The following TRHDE variants were observed in gnomAD, a reference collection of about 807,000 sequenced individuals.
The protein encoded by TRHDE is thyrotropin releasing hormone degrading enzyme.
A neutral mutation model predicts 125.7 loss-of-function variants in TRHDE; 72 were observed. The observed-to-expected ratio is 0.57, with a 90% CI of 0.47 to 0.70. The LOEUF (loss-of-function observed/expected upper bound fraction) is 0.70. Among genes scored for constraint, TRHDE ranks in the 30% least tolerant of loss-of-function variants. The pLI, the probability that TRHDE is intolerant of heterozygous loss-of-function variation, is 0.00. For missense variants in TRHDE, 1,110 were observed against 1,327.1 expected (o/e 0.84, Z 2.54); for synonymous variants, 509 against 509.1 (o/e 1.00, Z 0.00).
chr12:72,484,673 C>T (rs1275034475), intron 5 of TRHDE, among the ~76,000 whole-genome samples: 1 of 152,080 alleles, frequency 6.6e-6, no homozygotes, highest in Non-Finnish European at 1.5e-5. Context: ...ATTAGGAATG[C>T]ATTCATTGAA....
At chr12:72,625,220 T>A (rs1241553999) in intron 15 of TRHDE, among the ~76,000 whole-genome samples, 1 of 151,822 alleles carries the variant, frequency 6.6e-6, no homozygotes, top group Non-Finnish European at 1.5e-5. Context: ...TAAATATGTA[T>A]CATAATAATG....
intron 2 of TRHDE, among the ~76,000 whole-genome samples, chr12:72,241,984 C>T (rs10748191): frequency 0.77 from 117,438 of 152,090 alleles, 46,208 homozygotes; most frequent in Non-Finnish European, 0.85. Flanking sequence ...AGTCTCTTGC[C>T]CATTTTTAGA....
At chr12:72,115,333 A>G (rs11832149) in intron 2 of TRHDE, among the ~76,000 whole-genome samples, 23 of 148,342 alleles carry the variant, frequency 1.6e-4, no homozygotes, top group African/African-American at 5.2e-4. Flanking sequence ...TTCACTTAAC[A>G]TAATGACCTC....
chr12:72,387,641 A>G (rs1045436450), intron 3 of TRHDE, among the ~76,000 whole-genome samples: 1 of 152,142 alleles, frequency 6.6e-6, no homozygotes, highest in African/African-American at 2.4e-5. Flanking sequence ...TCCCACCCAA[A>G]TCTCATCTTG....
chr12:72,509,682 G>T (rs1393912234), intron 6 of TRHDE, among the ~76,000 whole-genome samples: 1 of 151,974 alleles, frequency 6.6e-6, no homozygotes, highest in Non-Finnish European at 1.5e-5. Context: ...ATCCTATTAT[G>T]TTTACTATAT....
intron 6 of TRHDE, among the ~76,000 whole-genome samples, chr12:72,517,817 T>C (rs1456501695): frequency 3.3e-5 from 5 of 151,786 alleles, no homozygotes; most frequent in Admixed American, 3.3e-4. Context: ...CTGCTTTGAA[T>C]GCGTCCCAGA....
At chr12:72,550,249 T>A (rs1869613412) in intron 7 of TRHDE, among the ~76,000 whole-genome samples, 1 of 151,910 alleles carries the variant, frequency 6.6e-6, no homozygotes, top group Non-Finnish European at 1.5e-5. Context: ...AGATGCCGAT[T>A]ACAGATGCCA....
chr12:72,593,242 C>A (rs568050371), intron 12 of TRHDE, among the ~76,000 whole-genome samples: 1 of 152,226 alleles, frequency 6.6e-6, no homozygotes, highest in East Asian at 1.9e-4. Context: ...TTGCACTTAG[C>A]CCCAGTCTAA....
chr12:72,297,110 G>T (rs1361888164), intron 2 of TRHDE, among the ~76,000 whole-genome samples: 2 of 152,140 alleles, frequency 1.3e-5, no homozygotes, highest in African/African-American at 4.8e-5. Flanking sequence ...GCAAATGTAG[G>T]GAGATTGAAC....
At chr12:72,499,787 T>C (rs1367189214) in intron 6 of TRHDE, 152 bp downstream of exon 6, 3 of 857,722 alleles carry the variant, frequency 3.5e-6, no homozygotes, top group Non-Finnish European at 3.4e-6. Context: ...TGTCATTTTA[T>C]GAGCTACAGC....
At chr12:72,596,414 C>T (rs10506659) in intron 12 of TRHDE, among the ~76,000 whole-genome samples, 20,086 of 152,082 alleles carry the variant, frequency 0.13, 1,420 homozygotes, top group Middle Eastern at 0.23. Context: ...CACTGTTTTG[C>T]ACTAGATATA....
intron 2 of TRHDE, among the ~76,000 whole-genome samples, chr12:72,204,694 A>T (rs1877629179): frequency 6.6e-6 from 1 of 152,196 alleles, no homozygotes; most frequent in African/African-American, 2.4e-5. Flanking sequence ...AAGGAATAAG[A>T]TTGGGTCTTT....
intron 15 of TRHDE, among the ~76,000 whole-genome samples, chr12:72,634,927 G>T (rs1374981746): frequency 6.6e-6 from 1 of 152,116 alleles, no homozygotes. Context: ...TTGGTTCCAA[G>T]TCTTTGCTGT....
intron 9 of TRHDE, among the ~76,000 whole-genome samples, chr12:72,568,086 T>TA (rs1356496315): frequency 6.6e-6 from 1 of 152,086 alleles, no homozygotes. Context: ...TAACTTTAGA[T>TA]ACGTCATATT....
chr12:72,089,706 A>G (rs551006374), intron 1 of TRHDE, among the ~76,000 whole-genome samples: 1 of 152,252 alleles, frequency 6.6e-6, no homozygotes, highest in Non-Finnish European at 1.5e-5. Flanking sequence ...TGCACTCCAA[A>G]TCTCTTAACT....
At chr12:72,320,007 T>G (rs1238270157) in intron 2 of TRHDE, among the ~76,000 whole-genome samples, 2 of 152,178 alleles carry the variant, frequency 1.3e-5, no homozygotes, top group Admixed American at 1.3e-4. Context: ...TACTTCTGGC[T>G]TAAAAAATTA....
chr12:72,201,840 C>A (rs1461939253), intron 2 of TRHDE, among the ~76,000 whole-genome samples: 3 of 152,144 alleles, frequency 2.0e-5, no homozygotes. Flanking sequence ...GTCCTCTGGT[C>A]TCTGTCTTTG....
At chr12:72,458,922 TAAC>T (rs1478234743) in intron 3 of TRHDE, among the ~76,000 whole-genome samples, 10 of 152,212 alleles carry the variant, frequency 6.6e-5, no homozygotes, top group Admixed American at 6.5e-4. Flanking sequence ...ATGATGATAA[TAAC>T]TGTATTAGTT....
intron 6 of TRHDE, among the ~76,000 whole-genome samples, chr12:72,539,334 A>C (rs1367462257): frequency 6.6e-6 from 1 of 151,932 alleles, no homozygotes; most frequent in East Asian, 1.9e-4. Context: ...GCACTAAAGA[A>C]AGAAATTAGT....
Sources: allele counts gnomAD v4.1 joint callset (sites outside exome capture counted in the v4.1 genomes callset), GRCh38; gene constraint gnomAD v4.1.1; transcripts MANE v1.5; gene names NCBI Gene and HGNC (gene_info 2026-07-23, HGNC 2026-07-21).